LRP2: variants seen among roughly 807,000 people sequenced by gnomAD.
LRP2 encodes low-density lipoprotein receptor-related protein 2.
LRP2 carries 172 observed loss-of-function variants against 531.0 expected under a neutral mutation model. The observed-to-expected ratio is 0.32, with a 90% CI of 0.29 to 0.37. The LOEUF (loss-of-function observed/expected upper bound fraction) is 0.37. Among genes scored for constraint, LRP2 ranks in the 10% least tolerant of loss-of-function variants. LRP2 has a pLI of 1.00. For synonymous variants in LRP2, 1,992 were observed against 2,027.6 expected, an observed-to-expected ratio of 0.98 and a Z score of 0.47; for missense variants, 5,167 against 5,868.3, an observed-to-expected ratio of 0.88 and a Z score of 3.90.
chr2:169,185,833 C>T lies in LRP2; in HGVS notation c.9515G>A (p.Gly3172Asp). The part of the protein sequence containing the change: ...VCSQKCENVI[G>D]SYICKCAPGY... Reference sequence around the variant, plus strand: ...TGGGGCACACTTACAGATGTAGGAGCCTATTACATTCTCACACTTCTGGCT... The same window carrying T: ...TGGGGCACACTTACAGATGTAGGAGTCTATTACATTCTCACACTTCTGGCT... Residue 3172 changes from glycine to aspartate, a missense_variant, in exon 50 of 79, where the codon GGC becomes GAC. Around this residue, in one of 6 missense-constraint regions of LRP2, gnomAD observed 1,129 missense variants for 1,362.7 expected, o/e 0.83. Transcript: ENST00000649046. 1 of 1,613,814 alleles carries T rather than the reference C, an allele frequency of 6.2e-7. No homozygotes were observed. Among genetic ancestry groups the T allele is most frequent in the Non-Finnish European group, 8.5e-7 (1 of 1,179,956 alleles).
intron 52 of LRP2, among the ~76,000 whole-genome samples, chr2:169,181,014 A>C (rs1344257243): frequency 6.6e-6 from 1 of 152,216 alleles, no homozygotes; most frequent in East Asian, 1.9e-4. Context: ...ACTTAACCAT[A>C]AATGTGCCAA....
intron 14 of LRP2, 87 bp downstream of exon 14, chr2:169,274,949 A>T: frequency 4.1e-5 from 49 of 1,202,250 alleles, no homozygotes; most frequent in Non-Finnish European, 5.7e-5. Context: ...ATCACATAAG[A>T]CCCCTCATTA....
rs1684838448 is a variant in LRP2, at chr2:169,318,904, G to A, written c.188-20C>T. The A allele has an allele frequency of 1.9e-6, 3 of 1,613,760 alleles. No individual in the cohort carries two copies. The highest frequency in any genetic ancestry group is 2.5e-6 in the Non-Finnish European group (3 of 1,179,918). On this transcript the variant is annotated intron_variant, in intron 2 of 78. Transcript: ENST00000649046. ...CAACAGCTAAAACAAACCAAAAGAG[G>A]ACTCATTATGGCAATCATCCTCCCC...
chr2:169,200,175 C>T (rs529913328), intron 44 of LRP2, among the ~76,000 whole-genome samples: 3 of 152,192 alleles, frequency 2.0e-5, no homozygotes, highest in Non-Finnish European at 2.9e-5. Context: ...GGCGTGAACC[C>T]GGGAGGCAGA....
chr2:169,160,685 A>AAAAAAAAAAACAAAAAAAAAAAC (rs1553487413), intron 63 of LRP2, among the ~76,000 whole-genome samples: 8 of 94,234 alleles, frequency 8.5e-5, no homozygotes, highest in South Asian at 3.6e-4. Flanking sequence ...ATTTCCTTAA[A>AAAAAAAAAAACAAAAAAAAAAAC]AAAAAAAAAA....
At chr2:169,306,398 G>T (rs1684419639) in intron 4 of LRP2, among the ~76,000 whole-genome samples, 2 of 152,170 alleles carry the variant, frequency 1.3e-5, no homozygotes, top group Admixed American at 1.3e-4. Flanking sequence ...GTCGGGCGTG[G>T]TGGCGCATGC....
At chr2:169,331,740 G>T (rs975931945) in intron 1 of LRP2, among the ~76,000 whole-genome samples, 2 of 152,188 alleles carry the variant, frequency 1.3e-5, no homozygotes, top group African/African-American at 4.8e-5. Context: ...ATGCCCTTCA[G>T]CACCTCATGA....
intron 6 of LRP2, among the ~76,000 whole-genome samples, chr2:169,293,075 C>T (rs1041056939): frequency 6.6e-6 from 1 of 152,132 alleles, no homozygotes; most frequent in African/African-American, 2.4e-5. Flanking sequence ...GGAAGTCAGG[C>T]ATGGCTCATT....
chr2:169,310,827 G>A (rs1318129900), intron 3 of LRP2, among the ~76,000 whole-genome samples: 4 of 152,166 alleles, frequency 2.6e-5, no homozygotes, highest in African/African-American at 4.8e-5. Context: ...AATCAGTCTG[G>A]TCCTGGACTT....
intron 1 of LRP2, among the ~76,000 whole-genome samples, chr2:169,328,369 G>A (rs1685172976): frequency 1.4e-5 from 2 of 143,636 alleles, no homozygotes; most frequent in East Asian, 4.1e-4. Context: ...ACTAGGAAGT[G>A]AGGAGCCCCT....
chr2:169,134,819 C>T lies in LRP2; in HGVS notation c.13621-2138G>A, dbSNP rs535732200. Among the ~76,000 whole-genome samples, 7 of 152,250 alleles carry T rather than the reference C, an allele frequency of 4.6e-5. No individual in the cohort carries two copies. The East Asian group carries it at 5.8e-4, about 13-fold the overall frequency. On this transcript the variant is annotated intron_variant, in intron 76 of 78. Coordinates refer to ENST00000649046, the MANE Select transcript of LRP2 (RefSeq NM_004525.3). ...CTTTAATAAAAACGCTTCTCAAAGCCGCTTTACTTCCAGAGGAAGCTGGAG... is the reference window on the plus strand; with the variant it reads ...CTTTAATAAAAACGCTTCTCAAAGCTGCTTTACTTCCAGAGGAAGCTGGAG...
chr2:169,316,617 A>G (rs1048315034), intron 3 of LRP2, among the ~76,000 whole-genome samples: 6 of 152,182 alleles, frequency 3.9e-5, no homozygotes, highest in African/African-American at 1.2e-4. Flanking sequence ...GGACACCTTG[A>G]GTTCAAGGCA....
At chr2:169,278,082 G>A in intron 12 of LRP2, 131 bp from the exon 13 acceptor site, 1 of 736,450 alleles carries the variant, frequency 1.4e-6, no homozygotes, top group Non-Finnish European at 2.3e-6. Flanking sequence ...TAAAACAACA[G>A]GGAAATTAAG....
chr2:169,322,322 TTGTC>T (rs1574255537), intron 1 of LRP2, among the ~76,000 whole-genome samples: 1 of 152,222 alleles, frequency 6.6e-6, no homozygotes, highest in Admixed American at 6.5e-5. Context: ...TCAAATCTGA[TTGTC>T]TGGTAGTGAC....
intron 50 of LRP2, among the ~76,000 whole-genome samples, chr2:169,183,071 CTT>C (rs1687498459): frequency 6.6e-6 from 1 of 152,188 alleles, no homozygotes; most frequent in Non-Finnish European, 1.5e-5. Flanking sequence ...TCACCAGAGT[CTT>C]ATAGCATCCA....
chr2:169,237,922 C>T lies in LRP2; in HGVS notation c.4506+169G>A, dbSNP rs191650538. Among the ~76,000 whole-genome samples, 757 of 152,262 alleles carry T rather than the reference C, an allele frequency of 5.0e-3. 2 individuals are homozygous for T. The highest frequency in any genetic ancestry group is 8.2e-3 in the Non-Finnish European group (555 of 68,038). On this transcript the variant is annotated intron_variant, in intron 27 of 78. Coordinates refer to ENST00000649046, the MANE Select transcript of LRP2 (RefSeq NM_004525.3). ...GAGGCCACCCTCCTATCTAAAACAG[C>T]CATAAATTCGTAGTTATGAACACGC... is the stretch of plus-strand genomic sequence containing the variant.
chr2:169,174,157 G>A lies in LRP2; in HGVS notation c.10776C>T (p.His3592=). The change falls in exon 56 of 79, where the codon CAC becomes CAT. Residue 3592 remains histidine, a synonymous_variant. Transcript: ENST00000649046. The part of the protein sequence containing the change: ...SDEDRLLCEN[H]HCDSNEWQCA... ...ACTGCCATTCATTGGAGTCACAGTG[G>A]TGATTCTCTGAGAGCAGGGACATTT... 2 of 1,614,240 alleles carry A rather than the reference G, an allele frequency of 1.2e-6. No homozygotes were observed.
intron 76 of LRP2, 80 bp from the exon 77 acceptor site, chr2:169,132,761 T>C: frequency 1.3e-6 from 1 of 791,724 alleles, no homozygotes; most frequent in Middle Eastern, 2.7e-4. Context: ...TTGTACCAAC[T>C]CTGGCTCTTT....
chr2:169,297,420 A>G (rs1056963840), intron 4 of LRP2, among the ~76,000 whole-genome samples: 2 of 152,300 alleles, frequency 1.3e-5, no homozygotes, highest in South Asian at 4.1e-4. Context: ...AGAGGAGACC[A>G]TATATAAGAA....
Sources: allele counts gnomAD v4.1 joint callset (sites outside exome capture counted in the v4.1 genomes callset), GRCh38; gene constraint gnomAD v4.1.1; regional missense constraint gnomAD v4.1.1; transcripts MANE v1.5; gene names NCBI Gene and HGNC (gene_info 2026-07-23, HGNC 2026-07-21).